The following TM9SF3 variants were observed in gnomAD, a reference collection of about 807,000 sequenced individuals.
TM9SF3 encodes the protein SM-11044-binding protein.
In TM9SF3, 14 loss-of-function variants were observed where a neutral mutation model predicts 78.6. The observed-to-expected ratio is 0.18, with a 90% confidence interval of 0.12 to 0.28. The LOEUF is 0.28. Among genes scored for constraint, TM9SF3 ranks in the 10% least tolerant of loss-of-function variants. The pLI, the probability that TM9SF3 is intolerant of heterozygous loss-of-function variation, is 1.00. For missense variants in TM9SF3, 496 were observed against 721.9 expected (o/e 0.69, Z 3.59); for synonymous variants, 231 against 241.7 (o/e 0.96, Z 0.41).
At chr10:96,557,542 C>A (rs1329748960) in intron 5 of TM9SF3, among the ~76,000 whole-genome samples, 2 of 104,938 alleles carry the variant, frequency 1.9e-5, no homozygotes, top group African/African-American at 8.1e-5. Context: ...GCTGAAAACA[C>A]TACAGTGCTC....
At chr10:96,582,205 G>A (rs187749421) in intron 1 of TM9SF3, among the ~76,000 whole-genome samples, 1 of 152,212 alleles carries the variant, frequency 6.6e-6, no homozygotes, top group African/African-American at 2.4e-5. Flanking sequence ...TAAGATTCCT[G>A]TGCCCCTAAG....
intron 2 of TM9SF3, among the ~76,000 whole-genome samples, chr10:96,567,831 G>C (rs1231008693): frequency 6.6e-6 from 1 of 152,184 alleles, no homozygotes; most frequent in African/African-American, 2.4e-5. Context: ...AAAATTTTAA[G>C]AGCATAATTT....
intron 4 of TM9SF3, 71 bp downstream of exon 4, chr10:96,561,907 G>A (rs918692369): frequency 7.5e-7 from 1 of 1,326,138 alleles, no homozygotes; most frequent in Non-Finnish European, 1.0e-6. Context: ...ATTTACTAAA[G>A]TTCAAAGCCA....
intron 10 of TM9SF3, 91 bp from the exon 11 acceptor site, chr10:96,530,699 A>G (rs1343381848): frequency 2.6e-6 from 3 of 1,176,316 alleles, no homozygotes; most frequent in Non-Finnish European, 3.6e-6. Flanking sequence ...TGACACTTAA[A>G]AAATCATCTC....
At chr10:96,562,816 G>A (rs1848325061) in intron 3 of TM9SF3, among the ~76,000 whole-genome samples, 1 of 152,178 alleles carries the variant, frequency 6.6e-6, no homozygotes, top group African/African-American at 2.4e-5. Context: ...GGTGGTAGCT[G>A]AGGATACATC....
At chr10:96,580,434 T>C (rs1378915417) in intron 1 of TM9SF3, among the ~76,000 whole-genome samples, 12 of 151,910 alleles carry the variant, frequency 7.9e-5, no homozygotes, top group African/African-American at 9.7e-5. Flanking sequence ...CCCGGCTAAT[T>C]TTTTGTATTT....
At chr10:96,571,036 G>A (rs779975132) in intron 2 of TM9SF3, among the ~76,000 whole-genome samples, 23 of 152,220 alleles carry the variant, frequency 1.5e-4, no homozygotes, top group Non-Finnish European at 2.9e-4. Flanking sequence ...CACCACCCCC[G>A]GCCATGGGAA....
At chr10:96,579,608 G>A (rs964760199) in intron 1 of TM9SF3, among the ~76,000 whole-genome samples, 2 of 152,178 alleles carry the variant, frequency 1.3e-5, no homozygotes, top group African/African-American at 2.4e-5. Flanking sequence ...TGCCCGTACT[G>A]TAATAAAATT....
At chr10:96,586,471 A>G (rs1285423771) in intron 1 of TM9SF3, among the ~76,000 whole-genome samples, 1 of 151,922 alleles carries the variant, frequency 6.6e-6, no homozygotes, top group Non-Finnish European at 1.5e-5. Context: ...AGGAACCCCG[A>G]GACCCTGGGG....
At chr10:96,576,533 T>A in intron 2 of TM9SF3, 101 bp downstream of exon 2, 3 of 1,136,156 alleles carry the variant, frequency 2.6e-6, no homozygotes. Flanking sequence ...AACAGCTCCA[T>A]ACAACAAAGA....
In TM9SF3 at chr10:96,527,400, T is replaced by A. The variant is rs1847851261; in HGVS notation, c.1625+13A>T. On this transcript the variant is annotated intron_variant, in intron 13 of 14. Coordinates refer to ENST00000371142, the MANE Select transcript of TM9SF3 (RefSeq NM_020123.4). ...GTTTCCTAAATAAAAGGTAAAAAAA[T>A]GTCTCCACTTACTTTGTTTTGAAAA... The A allele has an allele frequency of 1.9e-6, 3 of 1,600,732 alleles. No individual in the cohort carries two copies. Among genetic ancestry groups the A allele is most frequent in the South Asian group, 1.1e-5 (1 of 88,574 alleles).
chr10:96,556,905 G>A (rs1009664701), intron 5 of TM9SF3, among the ~76,000 whole-genome samples: 15 of 151,980 alleles, frequency 9.9e-5, no homozygotes, highest in Admixed American at 5.2e-4. Context: ...CATCTTACTT[G>A]ACCCATCAGC....
At chr10:96,530,413 T>C in intron 11 of TM9SF3, 127 bp downstream of exon 11, 2 of 738,386 alleles carry the variant, frequency 2.7e-6, no homozygotes, top group South Asian at 4.0e-5. Flanking sequence ...CTATTCCCTT[T>C]CTGGAATCAT....
chr10:96,585,767 A>G (rs1026530029), intron 1 of TM9SF3, among the ~76,000 whole-genome samples: 1 of 152,192 alleles, frequency 6.6e-6, no homozygotes, highest in Non-Finnish European at 1.5e-5. Flanking sequence ...TCTCTCATAG[A>G]AACTCCTATC....
intron 10 of TM9SF3, among the ~76,000 whole-genome samples, 174 bp from the exon 11 acceptor site, chr10:96,530,782 A>C (rs767425157): frequency 2.0e-5 from 3 of 152,226 alleles, no homozygotes; most frequent in Non-Finnish European, 4.4e-5. Flanking sequence ...TGGGACTTCA[A>C]ATTAGCCATA....
chr10:96,544,236 A>C (rs774512345), intron 8 of TM9SF3, 30 bp from the exon 9 acceptor site: 24 of 1,529,502 alleles, frequency 1.6e-5, no homozygotes, highest in Admixed American at 2.2e-5. Flanking sequence ...TGAAAGTTTA[A>C]TATAATTATT....
intron 9 of TM9SF3, among the ~76,000 whole-genome samples, chr10:96,538,576 C>T (rs1490087928): frequency 6.6e-6 from 1 of 152,062 alleles, no homozygotes; most frequent in African/African-American, 2.4e-5. Flanking sequence ...TCAAAAAATA[C>T]TCTTTAGATT....
At chr10:96,533,003 CTT>C (rs770355878) in intron 10 of TM9SF3, 46 bp downstream of exon 10, 8 of 1,606,074 alleles carry the variant, frequency 5.0e-6, no homozygotes, top group Non-Finnish European at 8.5e-7. Flanking sequence ...GCCTTAAGAA[CTT>C]ATATATTGTG....
At chr10:96,551,158 TTTAA>T (rs1179159870) in intron 7 of TM9SF3, 83 bp downstream of exon 7, 21 of 1,106,130 alleles carry the variant, frequency 1.9e-5, no homozygotes, top group Admixed American at 2.5e-5. Context: ...TAAGTAACGA[TTTAA>T]TTATGATTGA....
Sources: allele counts gnomAD v4.1 joint callset (sites outside exome capture counted in the v4.1 genomes callset), GRCh38; gene constraint gnomAD v4.1.1; transcripts MANE v1.5; gene names NCBI Gene and HGNC (gene_info 2026-07-23, HGNC 2026-07-21).